Variants in CENPW observed in about 807,000 individuals in gnomAD.
CENPW encodes centromere protein W.
Under a neutral mutation model 11.1 loss-of-function variants are expected in CENPW, and 3 were observed. That is an observed-to-expected ratio of 0.27 (90% CI 0.12 to 0.70). The LOEUF is 0.70. Among genes scored for constraint, CENPW ranks in the 30% least tolerant of loss-of-function variants. The probability of loss-of-function intolerance (pLI) is 0.77; values close to 1 mark genes in which losing one functional copy is unlikely to be tolerated. For missense variants in CENPW, 100 were observed against 105.6 expected (o/e 0.95, Z 0.23); for synonymous variants, 38 against 42.0 (o/e 0.91, Z 0.37).
At chr6:126,406,076 C>T in the CENPW span, among the ~76,000 whole-genome samples, 1 of 152,046 alleles carries the variant, frequency 6.6e-6, no homozygotes, top group African/African-American at 2.4e-5. Context: ...TTCAGCATAA[C>T]GTTAGCTGTG....
the CENPW span, among the ~76,000 whole-genome samples, chr6:126,435,155 C>T: frequency 6.6e-6 from 1 of 151,954 alleles, no homozygotes; most frequent in African/African-American, 2.4e-5. Context: ...GCATCCACTT[C>T]TTTGTCTTAA....
the CENPW span, among the ~76,000 whole-genome samples, chr6:126,441,135 T>C: frequency 6.6e-6 from 1 of 151,412 alleles, no homozygotes; most frequent in Non-Finnish European, 1.5e-5. Flanking sequence ...GTAGTGGTTA[T>C]GTAAATGAGA....
chr6:126,369,566 T>C, the CENPW span, among the ~76,000 whole-genome samples: 1 of 152,170 alleles, frequency 6.6e-6, no homozygotes, highest in Non-Finnish European at 1.5e-5. Flanking sequence ...TTGTTGGCCA[T>C]TTGTATATCT....
chr6:126,380,928 C>T, the CENPW span, among the ~76,000 whole-genome samples: 6 of 152,252 alleles, frequency 3.9e-5, no homozygotes, highest in South Asian at 2.1e-4. Context: ...TTCTCCTAGG[C>T]GTGTGTTTGT....
the CENPW span, among the ~76,000 whole-genome samples, chr6:126,388,430 C>T: frequency 2.0e-5 from 3 of 151,938 alleles, no homozygotes; most frequent in Admixed American, 6.6e-5. Context: ...TCTCTTCCCT[C>T]CAGCACCTTC....
the CENPW span, among the ~76,000 whole-genome samples, chr6:126,400,475 T>TATATACA: frequency 7.2e-5 from 11 of 152,062 alleles, no homozygotes; most frequent in Admixed American, 6.6e-5. Flanking sequence ...TATATACATC[T>TATATACA]GTGTTTCTTG....
chr6:126,412,110 C>A, the CENPW span, among the ~76,000 whole-genome samples: 4 of 146,498 alleles, frequency 2.7e-5, no homozygotes, highest in Admixed American at 2.8e-4. Flanking sequence ...TCCTTCCCTC[C>A]CAAGCAGCTG....
intron 1 of CENPW, 148 bp downstream of exon 1, chr6:126,340,547 GCC>G: frequency 1.8e-6 from 2 of 1,105,602 alleles, no homozygotes; most frequent in Non-Finnish European, 2.6e-6. Flanking sequence ...GGGAACGTAT[GCC>G]CCACCCTGGC....
the CENPW span, among the ~76,000 whole-genome samples, chr6:126,394,392 TAAAC>T: frequency 6.6e-6 from 1 of 152,206 alleles, no homozygotes; most frequent in Admixed American, 6.5e-5. Flanking sequence ...ACTGATTTCA[TAAAC>T]AAACAAACAA....
At chr6:126,384,898 A>C in the CENPW span, among the ~76,000 whole-genome samples, 7 of 152,308 alleles carry the variant, frequency 4.6e-5, no homozygotes, top group South Asian at 1.4e-3. Flanking sequence ...AGCATCTATA[A>C]GGAACTTAAA....
the CENPW span, among the ~76,000 whole-genome samples, chr6:126,435,423 T>C: frequency 3.3e-5 from 5 of 151,912 alleles, no homozygotes; most frequent in Non-Finnish European, 1.5e-5. Context: ...GCCATTGTGA[T>C]TGATATATCT....
chr6:126,384,574 T>A, the CENPW span, among the ~76,000 whole-genome samples: 40 of 152,278 alleles, frequency 2.6e-4, no homozygotes, highest in African/African-American at 8.4e-4. Context: ...GTTAGCCATA[T>A]GCAGAAAGTT....
the CENPW span, among the ~76,000 whole-genome samples, chr6:126,446,896 T>C: frequency 6.6e-6 from 1 of 151,330 alleles, no homozygotes; most frequent in Admixed American, 6.6e-5. Context: ...AACTGTTTAA[T>C]CATGTTTAAA....
At chr6:126,436,721 C>A in the CENPW span, among the ~76,000 whole-genome samples, 1 of 151,430 alleles carries the variant, frequency 6.6e-6, no homozygotes, top group African/African-American at 2.4e-5. Flanking sequence ...TAATCATAAC[C>A]CCCCTTTTCA....
the CENPW span, among the ~76,000 whole-genome samples, chr6:126,399,071 A>G: frequency 6.6e-6 from 1 of 152,004 alleles, no homozygotes; most frequent in Non-Finnish European, 1.5e-5. Context: ...TTGGGCGTCT[A>G]GGTTGATTCC....
the CENPW span, among the ~76,000 whole-genome samples, chr6:126,396,292 C>G: frequency 6.6e-6 from 1 of 152,124 alleles, no homozygotes; most frequent in Non-Finnish European, 1.5e-5. Context: ...TGCCACCCTG[C>G]TTTCCACAGG....
At chr6:126,390,540 A>G in the CENPW span, among the ~76,000 whole-genome samples, 10 of 151,890 alleles carry the variant, frequency 6.6e-5, no homozygotes, top group African/African-American at 2.4e-4. Flanking sequence ...CAATTGTGCT[A>G]TGAAATACTA....
At chr6:126,454,561 C>T in the CENPW span, among the ~76,000 whole-genome samples, 1 of 151,228 alleles carries the variant, frequency 6.6e-6, no homozygotes, top group South Asian at 2.1e-4. Flanking sequence ...CTCAGGGACA[C>T]AGCTAACGCA....
chr6:126,369,901 G>C, the CENPW span, among the ~76,000 whole-genome samples: 1 of 152,110 alleles, frequency 6.6e-6, no homozygotes, highest in Non-Finnish European at 1.5e-5. Context: ...AATTTTTATG[G>C]TTTCTGGTCT....
Sources: allele counts gnomAD v4.1 joint callset (sites outside exome capture counted in the v4.1 genomes callset), GRCh38; gene constraint gnomAD v4.1.1; transcripts MANE v1.5; gene names NCBI Gene and HGNC (gene_info 2026-07-23, HGNC 2026-07-21).